SETD1B: variants seen among roughly 807,000 people sequenced by gnomAD.
SETD1B encodes histone-lysine N-methyltransferase SETD1B.
SETD1B carries 7 observed loss-of-function variants against 148.0 expected under a neutral mutation model. That is an observed-to-expected ratio of 0.05 (90% CI 0.03 to 0.09). The LOEUF (loss-of-function observed/expected upper bound fraction) is 0.09. Among genes scored for constraint, SETD1B ranks in the 10% least tolerant of loss-of-function variants. The pLI, the probability that SETD1B is intolerant of heterozygous loss-of-function variation, is 1.00. For missense variants in SETD1B, 2,155 were observed against 2,729.9 expected, an observed-to-expected ratio of 0.79 and a Z score of 4.69; for synonymous variants, 1,361 against 1,186.5, an observed-to-expected ratio of 1.15 and a Z score of -3.02.
rs1010996772 is a variant in SETD1B, at chr12:121,830,627, T to C, written c.*388T>C. 2 of 164,394 alleles carry C rather than the reference T, an allele frequency of 1.2e-5. No homozygotes were observed. The highest frequency in any genetic ancestry group is 3.6e-4 in the South Asian group (2 of 5,494). The allele number at this position is 164,394 out of a possible 1,614,324, so 10.2% of individuals were successfully genotyped here. On this transcript the variant is annotated 3_prime_UTR_variant, in exon 17 of 17. Coordinates refer to ENST00000604567, the MANE Select transcript of SETD1B (RefSeq NM_001353345.2). This position sits in a 1 kb window ranked among gnomAD's most constrained non-coding sequence, Gnocchi z 5.7. ...CGTTGTTTTGTCTTCTCTATTTTTT[T>C]CCTCGTTGTGAGAAAAGACATTTAA...
chr12:121,815,086 A>G (rs1455598990), intron 7 of SETD1B, among the ~76,000 whole-genome samples, 156 bp downstream of exon 7: 1 of 152,132 alleles, frequency 6.6e-6, no homozygotes, highest in Admixed American at 6.6e-5. Context: ...AAAGTTCCGC[A>G]AACTGTGCTC....
At chr12:121,794,497 G>C in the SETD1B span, 1 of 152,266 alleles carries the variant, frequency 6.6e-6, no homozygotes, top group African/African-American at 2.4e-5. Context: ...AAGTCAACTT[G>C]GTCCCTCTCC....
At chr12:121,822,343 G>T (rs757708483) in intron 11 of SETD1B, 147 bp from the exon 12 acceptor site, 3 of 857,908 alleles carry the variant, frequency 3.5e-6, no homozygotes, top group Non-Finnish European at 1.7e-6. Flanking sequence ...GGGCGCTGAG[G>T]AGTCCTTGAG....
rs1875669758 is a variant in SETD1B, at chr12:121,805,222, A to AC, written c.273+10dup. 1 of 1,546,188 alleles carries AC rather than the reference A, an allele frequency of 6.5e-7. No individual in the cohort carries two copies. The highest frequency in any genetic ancestry group is 8.7e-7 in the Non-Finnish European group (1 of 1,144,482). On this transcript the variant is annotated splice_region_variant and intron_variant, in intron 3 of 16. Coordinates refer to ENST00000604567, the MANE Select transcript of SETD1B (RefSeq NM_001353345.2). This position sits in a 1 kb window ranked among gnomAD's most constrained non-coding sequence, Gnocchi z 4.2. ...TGTCGGTGCCCAAATTCAAGGTAGG[A>AC]CCCCTCCCCACTGCCCCGCCGTCCC...
Position 121,823,337 on chromosome 12 carries a change from T to TGGGGCCC in SETD1B, c.4758_4759insGGGGCCC (p.Pro1587GlyfsTer23). 1 of 809,488 alleles carries TGGGGCCC rather than the reference T, an allele frequency of 1.2e-6. No individual in the cohort carries two copies. Among genetic ancestry groups the TGGGGCCC allele is most frequent in the Non-Finnish European group, 1.8e-6 (1 of 560,562 alleles). The allele number at this position is 809,488 out of a possible 1,614,324, so 50.1% of individuals were successfully genotyped here. On this transcript the variant is annotated frameshift_variant, in exon 12 of 17. Transcript: ENST00000604567. LOFTEE classifies it high-confidence loss of function. ...GGATCCCAGCCCCTCCACCACCCCT[T>TGGGGCCC]CCCCCCCAGCCACCCCCACCCCCAC...
At chr12:121,790,808 G>A in the SETD1B span, among the ~76,000 whole-genome samples, 2 of 152,226 alleles carry the variant, frequency 1.3e-5, no homozygotes, top group African/African-American at 4.8e-5. Flanking sequence ...GCATGGCACC[G>A]TAGATTCCAA....
Position 121,817,148 on chromosome 12 carries a change from A to C in SETD1B, c.2831A>C (p.Tyr944Ser), listed in dbSNP as rs1380680783. Residue 944 changes from tyrosine (Y) to serine (S), a missense_variant, in exon 8 of 17, where the codon TAC becomes TCC. Transcript: ENST00000604567. This position sits in a 1 kb window ranked among gnomAD's most constrained non-coding sequence, Gnocchi z 8.1. ...ESWGKGEGLG[Y>S]EGLGLGIGLR... ...TGGGGCAAGGGCGAGGGCCTGGGCT[A>C]CGAGGGCCTGGGCCTGGGCATTGGG... is the stretch of plus-strand genomic sequence containing the variant. 1.3e-6 allele frequency: 2 copies of C among 1,548,950 alleles called. No homozygotes were observed. Among genetic ancestry groups the C allele is most frequent in the Non-Finnish European group, 1.7e-6 (2 of 1,146,898 alleles).
Position 121,809,511 on chromosome 12 carries a change from T to C in SETD1B, c.658-92T>C, listed in dbSNP as rs556656295. The C allele has an allele frequency of 4.3e-6, 6 of 1,388,316 alleles. No individual in the cohort carries two copies. The African/African-American group carries it at 5.8e-5, about 13-fold the overall frequency. The allele number at this position is 1,388,316 out of a possible 1,614,324, so 86.0% of individuals were successfully genotyped here. A position where few individuals can be genotyped will look rare whatever the true frequency, so the allele number is the denominator to read the frequency against. Reference sequence around the variant, plus strand: ...CTGCAGTTCTAGAGCAGTTTGGCTCTGAGCTTCCCAGCAGCCAGAGTGAGA... The same window carrying C: ...CTGCAGTTCTAGAGCAGTTTGGCTCCGAGCTTCCCAGCAGCCAGAGTGAGA... On this transcript the variant is annotated intron_variant, in intron 5 of 16. Coordinates refer to ENST00000604567, the MANE Select transcript of SETD1B (RefSeq NM_001353345.2).
the SETD1B span, chr12:121,793,079 T>G: frequency 2.3e-6 from 3 of 1,301,612 alleles, no homozygotes; most frequent in African/African-American, 1.5e-5. Flanking sequence ...GGACACCCAG[T>G]GGGGGACGCC....
intron 10 of SETD1B, among the ~76,000 whole-genome samples, chr12:121,818,836 G>A (rs1876424621): frequency 6.6e-6 from 1 of 150,676 alleles, no homozygotes; most frequent in African/African-American, 2.4e-5. Flanking sequence ...CTTGCAGTGA[G>A]CCGGGATCGC....
chr12:121,807,468 AAAAG>A (rs1227227498), intron 4 of SETD1B, among the ~76,000 whole-genome samples: 1 of 151,852 alleles, frequency 6.6e-6, no homozygotes, highest in African/African-American at 2.4e-5. Flanking sequence ...AAAAGAAAAG[AAAAG>A]AAAAGAAAAA....
At chr12:121,792,034 C>T in the SETD1B span, among the ~76,000 whole-genome samples, 1 of 152,242 alleles carries the variant, frequency 6.6e-6, no homozygotes, top group Non-Finnish European at 1.5e-5. Context: ...GTTGGCCCTA[C>T]AGGGCCCACA....
chr12:121,821,253 G>T (rs79046915), intron 11 of SETD1B, among the ~76,000 whole-genome samples: 6,482 of 152,136 alleles, frequency 0.043, 198 homozygotes, highest in Non-Finnish European at 0.069. Context: ...CTGCTCCCAC[G>T]GAGCAGGGGA....
chr12:121,821,985 G>C (rs1175709793), intron 11 of SETD1B, among the ~76,000 whole-genome samples: 1 of 152,138 alleles, frequency 6.6e-6, no homozygotes, highest in Non-Finnish European at 1.5e-5. Context: ...AGGAGCCTTA[G>C]GCAGGAGGAT....
chr12:121,805,496 C>T lies in SETD1B; in HGVS notation c.273+280C>T, dbSNP rs1875691786. ...ACTCTCCCCTCTCGCTAGCCCACTA[C>T]AGGACAACTTCTTAAGCCTGAGGGG... On this transcript the variant is annotated intron_variant, in intron 3 of 16. Coordinates refer to ENST00000604567, the MANE Select transcript of SETD1B (RefSeq NM_001353345.2). This position sits in a 1 kb window ranked among gnomAD's most constrained non-coding sequence, Gnocchi z 4.2. Among the ~76,000 whole-genome samples, 1 of 152,136 alleles carries T rather than the reference C, an allele frequency of 6.6e-6. No individual in the cohort carries two copies. The highest frequency in any genetic ancestry group is 2.1e-4 in the South Asian group (1 of 4,826).
chr12:121,796,997 A>T, the SETD1B span, among the ~76,000 whole-genome samples: 2 of 151,084 alleles, frequency 1.3e-5, no homozygotes, highest in South Asian at 4.2e-4. Flanking sequence ...AGATCACACC[A>T]TTGCCTGGGC....
Position 121,808,146 on chromosome 12 carries a change from C to A in SETD1B, c.545-62C>A, listed in dbSNP as rs1200221040. 2 of 1,351,572 alleles carry A rather than the reference C, an allele frequency of 1.5e-6. No homozygotes were observed. Among genetic ancestry groups the A allele is most frequent in the African/African-American group, 1.4e-5 (1 of 69,164 alleles). 83.7% of individuals were successfully genotyped at this position (1,351,572 alleles called of 1,614,324 possible). A position where few individuals can be genotyped will look rare whatever the true frequency, so the allele number is the denominator to read the frequency against. On this transcript the variant is annotated intron_variant, in intron 4 of 16. Transcript: ENST00000604567. The surrounding 1 kb of genome is among the most constrained non-coding windows in gnomAD (Gnocchi z 5.3). ...ACCAGGGTGCCACACAGGTTGGAAT[C>A]CTTGTGGGGGCTGCCCCATCCTGGA...
In SETD1B at chr12:121,830,045, T is replaced by A; in HGVS notation, c.5728-21T>A. ...ACCCTGGGGGACCAGGGGCTCATTCTCCCCCCCACCTTGCCTGCAGCCCAA... is the reference window on the plus strand; with the variant it reads ...ACCCTGGGGGACCAGGGGCTCATTCACCCCCCCACCTTGCCTGCAGCCCAA... On this transcript the variant is annotated intron_variant, in intron 16 of 16. Transcript: ENST00000604567. The surrounding 1 kb of genome is among the most constrained non-coding windows in gnomAD (Gnocchi z 5.7). 6.5e-7 allele frequency: 1 copy of A among 1,540,812 alleles called. No homozygotes were observed. Among genetic ancestry groups the A allele is most frequent in the Non-Finnish European group, 8.8e-7 (1 of 1,139,740 alleles).
rs1299107857 is a variant in SETD1B at position 121,823,748 on chromosome 12, C to T, written c.5169C>T (p.Pro1723=). ...ACGACACGCTCTGGGTCTACCATCC[C>T]TATATCCTGCTGGCATGGGGGGCTC... ...WLNDTLWVYH[P]STSLSSAKKK... is the part of the protein sequence containing the mutation. The change falls in exon 12 of 17, where the codon CCC becomes CCT. Residue 1723 remains proline (P), a splice_region_variant and synonymous_variant. Coordinates refer to ENST00000604567, the MANE Select transcript of SETD1B (RefSeq NM_001353345.2). 3 of 1,543,586 alleles carry T rather than the reference C, an allele frequency of 1.9e-6. No individual in the cohort carries two copies. The highest frequency in any genetic ancestry group is 2.6e-6 in the Non-Finnish European group (3 of 1,141,786).
Sources: allele counts gnomAD v4.1 joint callset (sites outside exome capture counted in the v4.1 genomes callset), GRCh38; gene constraint gnomAD v4.1.1; non-coding constraint Gnocchi (gnomAD v3.1); transcripts MANE v1.5; gene names NCBI Gene and HGNC (gene_info 2026-07-23, HGNC 2026-07-21).